DNAH14: variants seen among roughly 807,000 people sequenced by gnomAD.
DNAH14 encodes axonemal beta dynein heavy chain 14.
In DNAH14, 478 loss-of-function variants were observed where a neutral mutation model predicts 520.9. The ratio of observed to expected loss-of-function variants is 0.92; its 90% confidence interval spans 0.85 to 0.99. The LOEUF is 0.99. Ranked by LOEUF, DNAH14 falls within the 50% of genes least tolerant of loss-of-function variation. The pLI is 0.00. For missense variants in DNAH14, 4,831 were observed against 5,234.5 expected, an observed-to-expected ratio of 0.92 and a Z score of 2.38; for synonymous variants, 1,581 against 1,757.2, an observed-to-expected ratio of 0.90 and a Z score of 2.51.
intron 27 of DNAH14, among the ~76,000 whole-genome samples, chr1:225,128,858 G>A (rs1319127581): frequency 6.7e-6 from 1 of 149,650 alleles, no homozygotes; most frequent in East Asian, 2.0e-4. Flanking sequence ...ATTCAATTAG[G>A]AAAAGAAGAA....
chr1:225,077,216 T>A (rs972764130), intron 17 of DNAH14, among the ~76,000 whole-genome samples: 9 of 152,226 alleles, frequency 5.9e-5, no homozygotes, highest in African/African-American at 2.2e-4. Context: ...TGGGGAGTTA[T>A]ATTAATTGAC....
intron 7 of DNAH14, chr1:224,969,082 T>C: frequency 2.4e-6 from 1 of 412,010 alleles, no homozygotes; most frequent in Non-Finnish European, 4.4e-6. Flanking sequence ...CATTTTTCCT[T>C]TCAGAATTAA....
At chr1:225,226,447 C>T (rs2090543440) in intron 41 of DNAH14, among the ~76,000 whole-genome samples, 1 of 152,206 alleles carries the variant, frequency 6.6e-6, no homozygotes, top group Admixed American at 6.5e-5. Flanking sequence ...GCAACACTAC[C>T]AATGCCACCT....
At chr1:225,078,478 A>G (rs1441932603) in intron 17 of DNAH14, among the ~76,000 whole-genome samples, 4 of 152,138 alleles carry the variant, frequency 2.6e-5, no homozygotes, top group African/African-American at 4.8e-5. Flanking sequence ...AATAGCATCT[A>G]TTTTATATGT....
chr1:225,039,186 GAAA>G (rs924488389), intron 12 of DNAH14, among the ~76,000 whole-genome samples: 1 of 151,506 alleles, frequency 6.6e-6, no homozygotes, highest in Admixed American at 6.6e-5. Flanking sequence ...AAAAATAATG[GAAA>G]AAAAGGGAAT....
intron 41 of DNAH14, among the ~76,000 whole-genome samples, chr1:225,219,509 A>G (rs2089815136): frequency 6.6e-6 from 1 of 152,220 alleles, no homozygotes; most frequent in Non-Finnish European, 1.5e-5. Flanking sequence ...ACAAGCTACC[A>G]TCAGAGAATA....
chr1:225,073,187 C>T (rs1465329947), intron 17 of DNAH14, among the ~76,000 whole-genome samples: 1 of 152,162 alleles, frequency 6.6e-6, no homozygotes, highest in Non-Finnish European at 1.5e-5. Context: ...GGGTTGGGGA[C>T]ACGCTTAAAA....
intron 7 of DNAH14, chr1:224,969,153 T>G: frequency 4.0e-6 from 1 of 250,930 alleles, no homozygotes; most frequent in Non-Finnish European, 7.6e-6. Context: ...GAATGAGATG[T>G]TCCATAAAAT....
At chr1:225,287,067 G>T (rs1050094663) in intron 54 of DNAH14, among the ~76,000 whole-genome samples, 1 of 152,098 alleles carries the variant, frequency 6.6e-6, no homozygotes, top group Non-Finnish European at 1.5e-5. Context: ...GTTGTCTAAG[G>T]GTTTGGTGGA....
chr1:225,248,595 G>GTA (rs2092408431), intron 43 of DNAH14, among the ~76,000 whole-genome samples: 1 of 152,088 alleles, frequency 6.6e-6, no homozygotes, highest in Non-Finnish European at 1.5e-5. Context: ...AGAAAACAGA[G>GTA]TATATACCCA....
intron 34 of DNAH14, 31 bp downstream of exon 34, chr1:225,153,857 G>A: frequency 6.7e-7 from 1 of 1,498,862 alleles, no homozygotes; most frequent in Non-Finnish European, 9.1e-7. Flanking sequence ...TTAGGTCAAA[G>A]GGAGTTATAT....
At chr1:225,126,632 A>G (rs1425463119) in intron 27 of DNAH14, among the ~76,000 whole-genome samples, 1 of 151,662 alleles carries the variant, frequency 6.6e-6, no homozygotes, top group African/African-American at 2.4e-5. Flanking sequence ...CGGTCTATCA[A>G]TTTTGTTGAT....
Position 224,968,864 on chromosome 1 carries a change from T to C in DNAH14, c.757T>C (p.Ser253Pro). Residue 253 changes from serine to proline, a missense_variant, in exon 7 of 86, where the codon TCT (serine) becomes CCT (proline). Ser to Pro is a moderately conservative substitution (Grantham distance 74, BLOSUM62 -1). Transcript: ENST00000682510. The stretch of plus-strand genomic sequence containing the variant: ...TTTATTACGGCAATTCAAGATATTT[T>C]CTGATTTCCGGTGAGGTGAAAAAAA... ...YYLLRQFKIF[S>P]DFRMNKAFVT... The C allele has an allele frequency of 6.5e-7, 1 of 1,539,730 alleles. No individual in the cohort carries two copies. Among genetic ancestry groups the C allele is most frequent in the South Asian group, 1.2e-5 (1 of 81,068 alleles).
chr1:224,988,903 G>A (rs1278690545), intron 8 of DNAH14, among the ~76,000 whole-genome samples: 1 of 152,118 alleles, frequency 6.6e-6, no homozygotes, highest in Non-Finnish European at 1.5e-5. Flanking sequence ...TTCCATTAAT[G>A]GGATTAGAGG....
At chr1:225,224,464 C>A (rs961348139) in intron 41 of DNAH14, among the ~76,000 whole-genome samples, 1 of 152,114 alleles carries the variant, frequency 6.6e-6, no homozygotes, top group Admixed American at 6.6e-5. Flanking sequence ...GTAAAGTCAT[C>A]TATACAGGCC....
At chr1:224,931,439 C>T (rs78313298) in intron 1 of DNAH14, among the ~76,000 whole-genome samples, 8,380 of 152,150 alleles carry the variant, frequency 0.055, 470 homozygotes, top group East Asian at 0.24. Flanking sequence ...GACCAAATTA[C>T]GGTACTTAGG....
intron 23 of DNAH14, among the ~76,000 whole-genome samples, chr1:225,108,453 G>C (rs1209673889): frequency 6.6e-6 from 1 of 152,114 alleles, no homozygotes; most frequent in Non-Finnish European, 1.5e-5. Context: ...TGTCCCTCTA[G>C]AGAACCGTGA....
At chr1:225,386,740 T>C (rs890606743) in intron 81 of DNAH14, among the ~76,000 whole-genome samples, 8 of 152,210 alleles carry the variant, frequency 5.3e-5, no homozygotes, top group African/African-American at 1.9e-4. Context: ...CAACAGGTGC[T>C]GGAGAGGATG....
intron 41 of DNAH14, among the ~76,000 whole-genome samples, chr1:225,218,375 A>G (rs12086185): frequency 0.021 from 3,227 of 152,256 alleles, 89 homozygotes; most frequent in African/African-American, 0.062. Flanking sequence ...TTGGATAAAG[A>G]GTCAAGACCC....
Sources: allele counts gnomAD v4.1 joint callset (sites outside exome capture counted in the v4.1 genomes callset), GRCh38; gene constraint gnomAD v4.1.1; transcripts MANE v1.5; gene names NCBI Gene and HGNC (gene_info 2026-07-23, HGNC 2026-07-21).